The following PRR16 variants were observed in gnomAD, a reference collection of about 807,000 sequenced individuals.
PRR16 encodes protein Largen.
In PRR16, 6 loss-of-function variants were observed where a neutral mutation model predicts 18.2. The ratio of observed to expected loss-of-function variants is 0.33; its 90% CI spans 0.18 to 0.65. PRR16 has a LOEUF of 0.65. Among genes scored for constraint, PRR16 ranks in the 30% least tolerant of loss-of-function variants. PRR16 has a pLI of 0.74. For missense variants in PRR16, 412 were observed against 376.6 expected, an observed-to-expected ratio of 1.09 and a Z score of -0.78; for synonymous variants, 151 against 147.8, an observed-to-expected ratio of 1.02 and a Z score of -0.16.
chr5:120,491,178 C>A (rs1462775689), intron 1 of PRR16, among the ~76,000 whole-genome samples: 1 of 152,166 alleles, frequency 6.6e-6, no homozygotes, highest in African/African-American at 2.4e-5. Flanking sequence ...CTCTTCAAAT[C>A]TGTCAGACAG....
chr5:120,702,448 A>G, the PRR16 span, among the ~76,000 whole-genome samples: 1 of 151,814 alleles, frequency 6.6e-6, no homozygotes, highest in Non-Finnish European at 1.5e-5. Flanking sequence ...CTAGAAAAGC[A>G]GAGAAGGGGT....
chr5:120,481,177 C>A, intron 1 of PRR16: 1 of 985,446 alleles, frequency 1.0e-6, no homozygotes, highest in Non-Finnish European at 1.4e-6. Flanking sequence ...AGATGAAGTC[C>A]CACTCTGTTG....
chr5:120,630,550 T>A (rs576599918), intron 1 of PRR16, among the ~76,000 whole-genome samples: 43 of 140,008 alleles, frequency 3.1e-4, no homozygotes, highest in African/African-American at 1.1e-3. Context: ...CTAGGTAAAG[T>A]TTTTTAAATG....
downstream of PRR16, among the ~76,000 whole-genome samples, chr5:120,687,693 C>T (rs1036543112): frequency 7.2e-5 from 11 of 152,298 alleles, no homozygotes; most frequent in Admixed American, 7.2e-4. Flanking sequence ...CTGAATGCTT[C>T]TGGTATCAGG....
intron 1 of PRR16, among the ~76,000 whole-genome samples, chr5:120,675,852 T>G (rs997734679): frequency 6.6e-6 from 1 of 152,174 alleles, no homozygotes; most frequent in Non-Finnish European, 1.5e-5. Context: ...TTATTAGGTA[T>G]TAAATACTTA....
intron 1 of PRR16, among the ~76,000 whole-genome samples, chr5:120,537,898 T>C (rs981139172): frequency 7.5e-5 from 11 of 146,588 alleles, no homozygotes; most frequent in African/African-American, 2.8e-4. Context: ...TGCCTCAGCC[T>C]CCCAAGTAGC....
intron 1 of PRR16, among the ~76,000 whole-genome samples, chr5:120,655,725 CT>C (rs5870911): frequency 9.7e-6 from 1 of 102,778 alleles, no homozygotes; most frequent in African/African-American, 3.5e-5. Context: ...TAGCAATTGA[CT>C]TTTTTTTTTT....
Position 120,496,193 on chromosome 5 carries a change from AACAAT to A in PRR16, c.159+31549_159+31553del, listed in dbSNP as rs1750239447. On this transcript the variant is annotated intron_variant, in intron 1 of 1. Transcript: ENST00000407149. ...ATATAGCTCAATTCTATTTGGTAAA[AACAAT>A]TGATAAGGATTTTTGTATCTGTAGA... Among the ~76,000 whole-genome samples, 3 of 152,130 alleles carry A rather than the reference AACAAT, an allele frequency of 2.0e-5. No homozygotes were observed. The South Asian group carries it at 6.2e-4, about 32-fold the overall frequency.
intron 1 of PRR16, among the ~76,000 whole-genome samples, chr5:120,496,251 A>G (rs1750241501): frequency 6.6e-6 from 1 of 152,074 alleles, no homozygotes. Context: ...CACGTCTTCT[A>G]TTTTCTAGAA....
chr5:120,766,988 A>T, the PRR16 span, among the ~76,000 whole-genome samples: 1 of 151,972 alleles, frequency 6.6e-6, no homozygotes, highest in Non-Finnish European at 1.5e-5. Flanking sequence ...TGGAATACTA[A>T]GAGAAAATGT....
intron 1 of PRR16, among the ~76,000 whole-genome samples, chr5:120,625,843 C>T (rs975524125): frequency 2.6e-5 from 4 of 152,050 alleles, no homozygotes; most frequent in Admixed American, 2.0e-4. Flanking sequence ...TAGTTAACAT[C>T]GAATGAGCAT....
At chr5:120,493,272 A>G (rs1168054577) in intron 1 of PRR16, among the ~76,000 whole-genome samples, 1 of 152,074 alleles carries the variant, frequency 6.6e-6, no homozygotes, top group Non-Finnish European at 1.5e-5. Flanking sequence ...AAGGTGGTAT[A>G]TCATTGTGGT....
the PRR16 span, among the ~76,000 whole-genome samples, chr5:120,753,368 C>T: frequency 6.6e-6 from 1 of 151,826 alleles, no homozygotes; most frequent in African/African-American, 2.4e-5. Flanking sequence ...AGTTACCATT[C>T]AAGTAAGAGG....
chr5:120,771,845 ATAT>A, the PRR16 span, among the ~76,000 whole-genome samples: 1 of 152,054 alleles, frequency 6.6e-6, no homozygotes. Flanking sequence ...ACACGACTTT[ATAT>A]TATATGAATT....
In PRR16 at chr5:120,486,121, T is replaced by G. The variant is rs543560608; in HGVS notation, c.159+21476T>G. Among the ~76,000 whole-genome samples the G allele has an allele frequency of 3.5e-4, 53 of 152,324 alleles. 1 individual carries two copies. In the South Asian group the frequency reaches 0.011, roughly 31 times the overall value. ...GCCACAATAAACATACATGTGCATG[T>G]GTCTTTATAGCAGCATGATTTATAA... On this transcript the variant is annotated intron_variant, in intron 1 of 1. Coordinates refer to ENST00000407149, the MANE Select transcript of PRR16 (RefSeq NM_001300783.2).
chr5:120,483,454 T>C (rs1001625569), intron 1 of PRR16, among the ~76,000 whole-genome samples: 1 of 151,908 alleles, frequency 6.6e-6, no homozygotes, highest in African/African-American at 2.4e-5. Flanking sequence ...TCAACATACA[T>C]ACATACATAC....
At chr5:120,699,626 A>G in the PRR16 span, among the ~76,000 whole-genome samples, 2,685 of 152,284 alleles carry the variant, frequency 0.018, 81 homozygotes, top group African/African-American at 0.059. Flanking sequence ...AGTTGAGCAT[A>G]GTTTGTGACT....
At chr5:120,474,494 C>G (rs984799884) in intron 1 of PRR16, among the ~76,000 whole-genome samples, 4 of 152,034 alleles carry the variant, frequency 2.6e-5, no homozygotes, top group Admixed American at 6.6e-5. Flanking sequence ...TTCCATATTA[C>G]TTAATATTGT....
At chr5:120,476,245 A>G (rs1276757450) in intron 1 of PRR16, among the ~76,000 whole-genome samples, 1 of 152,154 alleles carries the variant, frequency 6.6e-6, no homozygotes, top group East Asian at 1.9e-4. Flanking sequence ...CCAGCCTTCC[A>G]GCCTGACATC....
Sources: allele counts gnomAD v4.1 joint callset (sites outside exome capture counted in the v4.1 genomes callset), GRCh38; gene constraint gnomAD v4.1.1; transcripts MANE v1.5; gene names NCBI Gene and HGNC (gene_info 2026-07-23, HGNC 2026-07-21).